SIL1: variants seen among roughly 807,000 people sequenced by gnomAD.
SIL1 encodes SIL1 nucleotide exchange factor, also known as nucleotide exchange factor SIL1.
Under a neutral mutation model 49.1 loss-of-function variants are expected in SIL1, and 40 were observed. The observed-to-expected ratio is 0.81, with a 90% confidence interval of 0.63 to 1.06. SIL1 has a LOEUF of 1.06. Among genes scored for constraint, SIL1 ranks in the 50% least tolerant of loss-of-function variants. The pLI is 0.00. For missense variants in SIL1, 500 were observed against 572.6 expected (o/e 0.87, Z 1.29); for synonymous variants, 253 against 250.8 (o/e 1.01, Z -0.08).
intron 7 of SIL1, among the ~76,000 whole-genome samples, chr5:138,971,177 A>G (rs1232156930): frequency 1.3e-5 from 2 of 152,106 alleles, no homozygotes; most frequent in Non-Finnish European, 2.9e-5. Flanking sequence ...GAGAGACCAA[A>G]AACAACATAA....
chr5:139,149,900 A>ATAGC (rs199662053), intron 1 of SIL1, among the ~76,000 whole-genome samples: 2,270 of 152,306 alleles, frequency 0.015, 22 homozygotes, highest in Non-Finnish European at 0.017. Context: ...GTTCAAACAC[A>ATAGC]TAGCTCACTG....
intron 3 of SIL1, among the ~76,000 whole-genome samples, chr5:139,058,367 A>G (rs1769505245): frequency 1.3e-5 from 2 of 152,022 alleles, no homozygotes; most frequent in Non-Finnish European, 2.9e-5. Flanking sequence ...CAAGAAAAAA[A>G]TCATGGGGGA....
intron 3 of SIL1, among the ~76,000 whole-genome samples, chr5:139,055,635 CCCCTCTCCCTCTCCCCACGGTCT>C (rs1258918439): frequency 1.2e-3 from 143 of 121,354 alleles, no homozygotes; most frequent in East Asian, 4.0e-3. Context: ...TCCCCCTCTC[CCCCTCTCCCTCTCCCCACGGTCT>C]CCCTCTCCCT....
intron 3 of SIL1, among the ~76,000 whole-genome samples, chr5:139,051,622 C>T (rs1429949439): frequency 6.6e-6 from 1 of 152,168 alleles, no homozygotes; most frequent in African/African-American, 2.4e-5. Context: ...TAGGCCAGGG[C>T]TTGGCACATA....
At chr5:139,004,606 C>T (rs1485621215) in intron 7 of SIL1, among the ~76,000 whole-genome samples, 1 of 152,120 alleles carries the variant, frequency 6.6e-6, no homozygotes, top group South Asian at 2.1e-4. Context: ...TACTTAATTA[C>T]TCTTCAGCTG....
At chr5:139,039,681 CA>C (rs1231800120) in intron 5 of SIL1, among the ~76,000 whole-genome samples, 2 of 152,092 alleles carry the variant, frequency 1.3e-5, no homozygotes, top group Non-Finnish European at 2.9e-5. Context: ...GTATTATGTC[CA>C]GGGTTTTTAG....
At position 139,105,499 on chromosome 5, in the gene SIL1, A is replaced by G. The variant is rs188207457; in HGVS notation, c.244+15536T>C. ...ATTCAGCTGTTACCAGAAATTCTAA[A>G]TGCTTGGCACTAGAAGCATAATTAG... On this transcript the variant is annotated intron_variant, in intron 3 of 9. Transcript: ENST00000394817. 2.0e-3 allele frequency among the ~76,000 whole-genome samples: 301 copies of G among 152,344 alleles called. 1 individual carries two copies. Among genetic ancestry groups the G allele is most frequent in the Middle Eastern group, 0.01 (3 of 294 alleles).
At chr5:139,025,136 C>A (rs1198846882) in intron 6 of SIL1, among the ~76,000 whole-genome samples, 1 of 152,238 alleles carries the variant, frequency 6.6e-6, no homozygotes, top group Non-Finnish European at 1.5e-5. Context: ...AGACGTATCT[C>A]AAGTGCCTGG....
intron 7 of SIL1, chr5:139,014,083 C>T (rs891494524): frequency 1.3e-5 from 2 of 152,150 alleles, no homozygotes; most frequent in Non-Finnish European, 2.9e-5. Context: ...TGGCTTACAA[C>T]AGAGAAGTAG....
chr5:139,095,021 C>T (rs1241386854), intron 3 of SIL1, among the ~76,000 whole-genome samples: 1 of 152,082 alleles, frequency 6.6e-6, no homozygotes, highest in East Asian at 1.9e-4. Context: ...GTAAAGTGTC[C>T]CTTTGTCTCA....
In SIL1 at chr5:139,004,701, CCTAA is replaced by C. The variant is rs369608109; in HGVS notation, c.767+16466_767+16469del. On this transcript the variant is annotated intron_variant, in intron 7 of 9. Transcript: ENST00000394817. The stretch of plus-strand genomic sequence containing the variant: ...TCAAGAAGTTCTATTTGTGAATCAA[CCTAA>C]CTGTCCATTAATGAATGAATGGATA... Among the ~76,000 whole-genome samples the C allele has an allele frequency of 3.9e-5, 6 of 152,164 alleles. No individual in the cohort carries two copies. In the East Asian group the frequency reaches 1.2e-3, roughly 29 times the overall value.
chr5:138,982,447 C>G (rs915466658), intron 7 of SIL1, among the ~76,000 whole-genome samples: 1 of 152,230 alleles, frequency 6.6e-6, no homozygotes, highest in Non-Finnish European at 1.5e-5. Context: ...GTATTTGCAG[C>G]TCCTCAGAGC....
chr5:139,091,114 C>T (rs1770333073), intron 3 of SIL1, among the ~76,000 whole-genome samples: 1 of 152,072 alleles, frequency 6.6e-6, no homozygotes, highest in Non-Finnish European at 1.5e-5. Context: ...TAATAACTTT[C>T]CTAATTATAA....
chr5:138,973,487 G>A (rs945851884), intron 7 of SIL1, among the ~76,000 whole-genome samples: 2 of 151,914 alleles, frequency 1.3e-5, no homozygotes, highest in Non-Finnish European at 2.9e-5. Context: ...TTTGAGACAG[G>A]GTCTCGCCCT....
chr5:138,997,356 T>C (rs1767892355), intron 7 of SIL1, among the ~76,000 whole-genome samples: 2 of 152,206 alleles, frequency 1.3e-5, no homozygotes, highest in South Asian at 4.1e-4. Context: ...CGTATGGTTA[T>C]CCGGTTTTCC....
chr5:138,970,099 C>T (rs60524884), intron 7 of SIL1, among the ~76,000 whole-genome samples: 4,483 of 152,282 alleles, frequency 0.029, 220 homozygotes, highest in African/African-American at 0.1. Flanking sequence ...TTTGGAAAGG[C>T]CCCTGCAAAG....
chr5:139,109,134 T>C (rs1280769735), intron 3 of SIL1, among the ~76,000 whole-genome samples: 1 of 152,176 alleles, frequency 6.6e-6, no homozygotes, highest in Non-Finnish European at 1.5e-5. Flanking sequence ...ACTGCCAGCT[T>C]TGTAAAAGAG....
intron 4 of SIL1, among the ~76,000 whole-genome samples, chr5:139,045,129 G>T (rs929907406): frequency 1.3e-5 from 2 of 152,142 alleles, no homozygotes; most frequent in Admixed American, 6.5e-5. Flanking sequence ...GGCTGAGGAG[G>T]GAGGATTGCT....
At chr5:139,051,578 G>A (rs1042065219) in intron 3 of SIL1, among the ~76,000 whole-genome samples, 14 of 152,278 alleles carry the variant, frequency 9.2e-5, no homozygotes, top group African/African-American at 3.1e-4. Context: ...TAAGCACAGG[G>A]ACTGTATTTC....
Sources: gnomAD v4.1 joint callset for allele counts (sites outside exome capture counted in the v4.1 genomes callset) on GRCh38, gnomAD v4.1.1 for gene constraint, MANE v1.5 for transcripts, NCBI Gene and HGNC (gene_info 2026-07-23, HGNC 2026-07-21) for gene names.